SYT14: variants seen among roughly 807,000 people sequenced by gnomAD.
SYT14 encodes the protein synaptotagmin-14.
A neutral mutation model predicts 74.2 loss-of-function variants in SYT14; 32 were observed. The observed-to-expected ratio is 0.43, with a 90% confidence interval of 0.33 to 0.58. The LOEUF is 0.58. Among genes scored for constraint, SYT14 ranks in the 20% least tolerant of loss-of-function variants. SYT14 has a pLI of 0.05. For synonymous variants in SYT14, 298 were observed against 337.7 expected, an observed-to-expected ratio of 0.88 and a Z score of 1.29; for missense variants, 791 against 981.8, an observed-to-expected ratio of 0.81 and a Z score of 2.60.
intron 1 of SYT14, among the ~76,000 whole-genome samples, chr1:209,941,236 A>G (rs1263431933): frequency 2.0e-5 from 3 of 152,222 alleles, no homozygotes; most frequent in African/African-American, 4.8e-5. Context: ...ATGTGTAACT[A>G]TTAATCAAAA....
rs67430639 is a variant in SYT14, at chr1:210,124,244, GA to G, written c.2034+23794del. Among the ~76,000 whole-genome samples the G allele has an allele frequency of 9.4e-3, 1,317 of 140,292 alleles. 25 individuals carry two copies. Among genetic ancestry groups the G allele is most frequent in the African/African-American group, 0.035 (1,220 of 35,126 alleles). 92.0% of individuals were successfully genotyped at this position (140,292 alleles called of 152,430 possible). On this transcript the variant is annotated intron_variant, in intron 7 of 9. Coordinates refer to ENST00000637265, the Ensembl canonical transcript of SYT14. The stretch of plus-strand genomic sequence containing the variant: ...AACCCATTAATTAGAAGACAGAAAT[GA>G]AAAAAAAAAATAAATAAATAACTCC...
chr1:210,063,200 T>C (rs2081237813), intron 5 of SYT14, among the ~76,000 whole-genome samples: 1 of 151,744 alleles, frequency 6.6e-6, no homozygotes, highest in South Asian at 2.1e-4. Flanking sequence ...TATGGGTTCA[T>C]CTTTTTTACC....
At chr1:210,154,026 T>C (rs981783476) in intron 7 of SYT14, among the ~76,000 whole-genome samples, 1 of 152,228 alleles carries the variant, frequency 6.6e-6, no homozygotes, top group African/African-American at 2.4e-5. Context: ...TGGTTTCTCT[T>C]TCTCTAATAT....
At chr1:210,083,811 C>CA (rs34878719) in intron 5 of SYT14, among the ~76,000 whole-genome samples, 52,136 of 151,952 alleles carry the variant, frequency 0.34, 9,903 homozygotes, top group Non-Finnish European at 0.42. Context: ...CACAAGCTGT[C>CA]AGTCCACCTT....
intron 7 of SYT14, among the ~76,000 whole-genome samples, chr1:210,112,494 A>G (rs1011258723): frequency 6.6e-6 from 1 of 151,392 alleles, no homozygotes; most frequent in South Asian, 2.1e-4. Flanking sequence ...TCCAAAAACC[A>G]TTTGCCTTGT....
chr1:210,026,434 T>C (rs1348580017), intron 5 of SYT14, among the ~76,000 whole-genome samples: 1 of 152,142 alleles, frequency 6.6e-6, no homozygotes, highest in African/African-American at 2.4e-5. Flanking sequence ...AGAATGTCTT[T>C]TGTTATTGAT....
chr1:210,026,605 TACACACAC>T (rs368072216), intron 5 of SYT14, among the ~76,000 whole-genome samples: 72 of 138,346 alleles, frequency 5.2e-4, no homozygotes, highest in Admixed American at 7.0e-4. Flanking sequence ...GTATATAGCT[TACACACAC>T]ACACACACAC....
chr1:209,938,249 CCATGGCGAGCGCAT>C lies in SYT14; in HGVS notation c.-553_-540del. On this transcript the variant is annotated 5_prime_UTR_variant, in exon 1 of 10. It removes an upstream start codon present in the reference 5' UTR. Transcript: ENST00000637265. ...GCCCCCGCCATCCAGTTGGTGCGGT[CCATGGCGAGCGCAT>C]CATGGCGATTGAAGGTAAGTGGAGG... is the stretch of plus-strand genomic sequence containing the variant. 6.4e-7 allele frequency: 1 copy of C among 1,557,214 alleles called. No homozygotes were observed. Among genetic ancestry groups the C allele is most frequent in the Non-Finnish European group, 8.7e-7 (1 of 1,149,206 alleles).
intron 4 of SYT14, chr1:210,017,245 T>A (rs950090268): frequency 2.4e-5 from 13 of 535,432 alleles, no homozygotes; most frequent in Non-Finnish European, 3.7e-5. Context: ...GAAACATTTT[T>A]AAAGCCATTC....
chr1:209,987,418 A>G (rs1436722789), intron 2 of SYT14, among the ~76,000 whole-genome samples: 1 of 152,232 alleles, frequency 6.6e-6, no homozygotes. Flanking sequence ...AGCTTTTACT[A>G]ATAGTGGGAC....
chr1:210,039,898 G>A (rs1049726024), intron 5 of SYT14, among the ~76,000 whole-genome samples: 2 of 152,204 alleles, frequency 1.3e-5, no homozygotes, highest in Non-Finnish European at 2.9e-5. Context: ...TGGAGAGGTT[G>A]TGGAGAAGTA....
chr1:210,000,110 C>CT (rs1425124014), intron 2 of SYT14, among the ~76,000 whole-genome samples: 7 of 152,006 alleles, frequency 4.6e-5, no homozygotes, highest in African/African-American at 1.7e-4. Context: ...TATACAAACA[C>CT]TTTTTTGCTG....
intron 7 of SYT14, among the ~76,000 whole-genome samples, chr1:210,155,129 C>T (rs2083241700): frequency 6.6e-6 from 1 of 152,126 alleles, no homozygotes; most frequent in East Asian, 1.9e-4. Flanking sequence ...TTAGTAATTT[C>T]AATGTTTTAT....
chr1:210,078,630 T>G (rs1360269896), intron 5 of SYT14, among the ~76,000 whole-genome samples: 1 of 152,036 alleles, frequency 6.6e-6, no homozygotes, highest in Non-Finnish European at 1.5e-5. Context: ...AGGTCTAGAG[T>G]GTACATTGAA....
At chr1:210,128,052 G>T (rs1214500780) in intron 7 of SYT14, among the ~76,000 whole-genome samples, 2 of 151,402 alleles carry the variant, frequency 1.3e-5, no homozygotes, top group Non-Finnish European at 1.5e-5. Flanking sequence ...AGGATGATTA[G>T]ATCTATGACT....
chr1:209,970,685 T>A (rs1255006346), intron 2 of SYT14, among the ~76,000 whole-genome samples: 4 of 71,472 alleles, frequency 5.6e-5, no homozygotes, highest in African/African-American at 1.9e-4. Context: ...TTTTTTTTTT[T>A]TTTTTTTTTT....
intron 2 of SYT14, among the ~76,000 whole-genome samples, chr1:209,955,613 G>T (rs912906241): frequency 1.3e-5 from 2 of 151,782 alleles, no homozygotes; most frequent in African/African-American, 4.8e-5. Flanking sequence ...CTAAGTATTA[G>T]TGATTTTCAA....
chr1:210,112,675 C>G (rs1374851522), intron 7 of SYT14, among the ~76,000 whole-genome samples: 1 of 151,286 alleles, frequency 6.6e-6, no homozygotes, highest in African/African-American at 2.5e-5. Flanking sequence ...CTTTTGATGG[C>G]CCTTGCAGTG....
intron 7 of SYT14, among the ~76,000 whole-genome samples, chr1:210,109,244 C>T (rs959935339): frequency 3.3e-5 from 5 of 152,042 alleles, no homozygotes; most frequent in African/African-American, 1.2e-4. Flanking sequence ...TCAAAAACCA[C>T]AGGATACCAT....
Sources: gnomAD v4.1 joint callset for allele counts (sites outside exome capture counted in the v4.1 genomes callset) on GRCh38, gnomAD v4.1.1 for gene constraint, MANE v1.5 for transcripts, NCBI Gene and HGNC (gene_info 2026-07-23, HGNC 2026-07-21) for gene names.